SH3GL2: variants seen among roughly 807,000 people sequenced by gnomAD.
The protein encoded by SH3GL2 is endophilin-A1.
A neutral mutation model predicts 46.0 loss-of-function variants in SH3GL2; 24 were observed. That is an observed-to-expected ratio of 0.52 (90% CI 0.38 to 0.73). The LOEUF (loss-of-function observed/expected upper bound fraction) is 0.73. Among genes scored for constraint, SH3GL2 ranks in the 30% least tolerant of loss-of-function variants. The probability of loss-of-function intolerance (pLI) is 0.00; values close to 1 mark genes in which losing one functional copy is unlikely to be tolerated. For missense variants in SH3GL2, 413 were observed against 424.2 expected (o/e 0.97, Z 0.23); for synonymous variants, 196 against 147.1 (o/e 1.33, Z -2.40).
At chr9:17,607,748 C>G (rs976410926) in intron 1 of SH3GL2, among the ~76,000 whole-genome samples, 1 of 152,096 alleles carries the variant, frequency 6.6e-6, no homozygotes, top group African/African-American at 2.4e-5. Flanking sequence ...GCTAAAAATT[C>G]CAGCAGGGTT....
At chr9:17,651,072 T>G (rs1819946160) in intron 1 of SH3GL2, among the ~76,000 whole-genome samples, 1 of 152,204 alleles carries the variant, frequency 6.6e-6, no homozygotes, top group African/African-American at 2.4e-5. Flanking sequence ...GTTTCTTGGC[T>G]TTGCTTTTTA....
chr9:17,654,950 G>A (rs1044456559), intron 1 of SH3GL2, among the ~76,000 whole-genome samples: 2 of 152,216 alleles, frequency 1.3e-5, no homozygotes, highest in Non-Finnish European at 2.9e-5. Context: ...GAGCTGTGCA[G>A]TGAGATTAAA....
chr9:17,653,930 C>G (rs188760232), intron 1 of SH3GL2: 1 of 798,862 alleles, frequency 1.3e-6, no homozygotes, highest in East Asian at 1.3e-4. Flanking sequence ...ACATCTGTAA[C>G]AAAAGAAATG....
rs146263961 is a variant in SH3GL2, at chr9:17,749,020, A to G, written c.114+1886A>G. Reference sequence around the variant, plus strand: ...TGGTCATTCTGGCTAAGTTCTTGAGATAGACCTCACTGATGGATACCCAGT... The same window carrying G: ...TGGTCATTCTGGCTAAGTTCTTGAGGTAGACCTCACTGATGGATACCCAGT... On this transcript the variant is annotated intron_variant, in intron 2 of 8. Transcript: ENST00000380607. Among the ~76,000 whole-genome samples the G allele has an allele frequency of 8.1e-4, 124 of 152,318 alleles. 1 individual carries two copies. Among genetic ancestry groups the G allele is most frequent in the African/African-American group, 2.6e-3 (110 of 41,574 alleles).
chr9:17,678,153 A>G (rs1820663284), intron 1 of SH3GL2, among the ~76,000 whole-genome samples: 1 of 152,086 alleles, frequency 6.6e-6, no homozygotes, highest in African/African-American at 2.4e-5. Context: ...TATACCCAGT[A>G]ATGGGATTGC....
chr9:17,597,127 T>G (rs567603472), intron 1 of SH3GL2, among the ~76,000 whole-genome samples: 1 of 152,254 alleles, frequency 6.6e-6, no homozygotes, highest in African/African-American at 2.4e-5. Context: ...AGATTTGTTT[T>G]CTTGTGTAGT....
chr9:17,644,594 C>T (rs1399971058), intron 1 of SH3GL2, among the ~76,000 whole-genome samples: 1 of 152,176 alleles, frequency 6.6e-6, no homozygotes, highest in Non-Finnish European at 1.5e-5. Flanking sequence ...TGTAGTCATT[C>T]AGGAGCAGGT....
chr9:17,653,702 A>G (rs899331345), intron 1 of SH3GL2, among the ~76,000 whole-genome samples: 6 of 152,152 alleles, frequency 3.9e-5, no homozygotes, highest in Non-Finnish European at 8.8e-5. Flanking sequence ...GAATGAGACC[A>G]TTCCTTTGTG....
intron 1 of SH3GL2, among the ~76,000 whole-genome samples, chr9:17,683,003 C>G (rs1008316165): frequency 1.3e-5 from 2 of 152,074 alleles, no homozygotes; most frequent in African/African-American, 4.8e-5. Flanking sequence ...TACAAAATGA[C>G]TTTTCTTGGT....
chr9:17,749,418 T>A (rs1206683789), intron 2 of SH3GL2, among the ~76,000 whole-genome samples: 3 of 152,182 alleles, frequency 2.0e-5, no homozygotes, highest in Admixed American at 6.5e-5. Context: ...CAGTCTTGCT[T>A]GATCCCTCCT....
intron 3 of SH3GL2, among the ~76,000 whole-genome samples, chr9:17,776,958 G>A (rs552523310): frequency 2.0e-5 from 3 of 152,254 alleles, no homozygotes; most frequent in African/African-American, 7.2e-5. Context: ...GCACACCACT[G>A]GATTGAACTG....
intron 1 of SH3GL2, among the ~76,000 whole-genome samples, chr9:17,670,926 G>T (rs535549384): frequency 6.6e-6 from 1 of 152,306 alleles, no homozygotes; most frequent in African/African-American, 2.4e-5. Context: ...TAAGTATGGG[G>T]TGGGGCCTGA....
intron 1 of SH3GL2, among the ~76,000 whole-genome samples, chr9:17,657,065 A>G (rs1241546839): frequency 6.6e-6 from 1 of 152,176 alleles, no homozygotes; most frequent in Admixed American, 6.5e-5. Context: ...TGCTGTTCCT[A>G]GGGAATGGTT....
At chr9:17,780,079 T>G (rs1273062971) in intron 3 of SH3GL2, among the ~76,000 whole-genome samples, 2 of 152,124 alleles carry the variant, frequency 1.3e-5, no homozygotes, top group African/African-American at 2.4e-5. Flanking sequence ...GGAGTGAAAT[T>G]TCTGAATTTG....
chr9:17,769,110 G>A (rs1823400134), intron 3 of SH3GL2, among the ~76,000 whole-genome samples: 1 of 152,162 alleles, frequency 6.6e-6, no homozygotes, highest in African/African-American at 2.4e-5. Context: ...AATTTGTGCA[G>A]CTTTCCTGAC....
rs576698741 is a variant in SH3GL2 at position 17,776,063 on chromosome 9, G to T, written c.188-10318G>T. ...AAAATACTGCCATCATAATCATCTAGGGTGGGGAGAAAAATAGGGTGCGGA... is the reference window on the plus strand; with the variant it reads ...AAAATACTGCCATCATAATCATCTATGGTGGGGAGAAAAATAGGGTGCGGA... On this transcript the variant is annotated intron_variant, in intron 3 of 8. Transcript: ENST00000380607. Among the ~76,000 whole-genome samples, 4 of 152,236 alleles carry T rather than the reference G, an allele frequency of 2.6e-5. No homozygotes were observed. In the South Asian group the frequency reaches 8.3e-4, roughly 32 times the overall value.
At chr9:17,746,839 T>A (rs1822703131) in intron 1 of SH3GL2, among the ~76,000 whole-genome samples, 1 of 152,192 alleles carries the variant, frequency 6.6e-6, no homozygotes, top group South Asian at 2.1e-4. Context: ...AATCAGAAGA[T>A]ACAAATTTGA....
At chr9:17,651,450 T>C (rs1194759266) in intron 1 of SH3GL2, among the ~76,000 whole-genome samples, 3 of 152,214 alleles carry the variant, frequency 2.0e-5, no homozygotes, top group African/African-American at 7.2e-5. Context: ...CCAAGATGTA[T>C]TGTTTTTGTT....
At chr9:17,779,041 C>A (rs549115696) in intron 3 of SH3GL2, among the ~76,000 whole-genome samples, 20 of 152,118 alleles carry the variant, frequency 1.3e-4, no homozygotes, top group Non-Finnish European at 2.2e-4. Context: ...GGCTAGCCTG[C>A]AGAGATACAT....
Sources: gnomAD v4.1 joint callset for allele counts (sites outside exome capture counted in the v4.1 genomes callset) on GRCh38, gnomAD v4.1.1 for gene constraint, MANE v1.5 for transcripts, NCBI Gene and HGNC (gene_info 2026-07-23, HGNC 2026-07-21) for gene names.